GPR160: variants seen among roughly 807,000 people sequenced by gnomAD.
GPR160 encodes the protein G protein-coupled receptor 160, also known as probable G protein-coupled receptor 160.
Under a neutral mutation model 2.6 loss-of-function variants are expected in GPR160, and 2 were observed. That is an observed-to-expected ratio of 0.77 (90% confidence interval 0.32 to 2.44). The LOEUF (loss-of-function observed/expected upper bound fraction) is 2.44, where lower values mean the gene tolerates loss of function less well. GPR160 is among the 30% of genes most tolerant of loss of function. The pLI is 0.11. For synonymous variants in GPR160, 130 were observed against 132.2 expected, an observed-to-expected ratio of 0.98 and a Z score of 0.12; for missense variants, 351 against 383.6, an observed-to-expected ratio of 0.91 and a Z score of 0.71.
chr3:170,070,270 G>A (rs1040901556), intron 2 of GPR160, among the ~76,000 whole-genome samples: 4 of 152,136 alleles, frequency 2.6e-5, no homozygotes, highest in Non-Finnish European at 5.9e-5. Context: ...ATCCTATAGA[G>A]CATACCACCA....
intron 2 of GPR160, among the ~76,000 whole-genome samples, chr3:170,047,894 G>A (rs578243514): frequency 6.5e-4 from 94 of 145,110 alleles, no homozygotes; most frequent in Middle Eastern, 3.6e-3. Flanking sequence ...CTGGAATGCA[G>A]TGGCCCAATG....
intron 2 of GPR160, among the ~76,000 whole-genome samples, chr3:170,063,930 G>A (rs938761727): frequency 6.6e-6 from 1 of 152,160 alleles, no homozygotes; most frequent in African/African-American, 2.4e-5. Context: ...CAAACCAGAC[G>A]TGGGTGAGGA....
intron 2 of GPR160, among the ~76,000 whole-genome samples, chr3:170,059,596 G>A (rs905589070): frequency 6.6e-6 from 1 of 152,134 alleles, no homozygotes; most frequent in African/African-American, 2.4e-5. Flanking sequence ...TCAATCACAG[G>A]AGTTGGAGTC....
intron 2 of GPR160, among the ~76,000 whole-genome samples, chr3:170,064,377 C>A (rs1446600019): frequency 6.6e-6 from 1 of 152,098 alleles, no homozygotes; most frequent in African/African-American, 2.4e-5. Flanking sequence ...CAGAGAAAGG[C>A]GCCCAGGTGT....
chr3:170,085,337 T>TGACA lies in GPR160; in HGVS notation c.*349_*352dup, dbSNP rs1279661821. 5.7e-6 allele frequency: 1 copy of TGACA among 175,020 alleles called. No homozygotes were observed. The highest frequency in any genetic ancestry group is 6.4e-5 in the Admixed American group (1 of 15,514). The allele number at this position is 175,020 out of a possible 1,614,324, so 10.8% of individuals were successfully genotyped here. ...CTGTTATGTAAATCTGAGATTTCAC[T>TGACA]GACAACTTTAAGATATCAACCTAAA... On this transcript the variant is annotated 3_prime_UTR_variant, in exon 4 of 4. Coordinates refer to ENST00000355897, the MANE Select transcript of GPR160 (RefSeq NM_014373.3).
chr3:170,048,473 A>T (rs1716825925), intron 2 of GPR160, among the ~76,000 whole-genome samples: 1 of 152,228 alleles, frequency 6.6e-6, no homozygotes. Context: ...AATGTTTTTA[A>T]TGACTGCATG....
rs1351805878 is a variant in GPR160 at position 170,038,763 on chromosome 3, C to T, written c.-321-152C>T. 3 of 152,190 alleles carry T rather than the reference C, an allele frequency of 2.0e-5. No individual in the cohort carries two copies. The highest frequency in any genetic ancestry group is 4.4e-5 in the Non-Finnish European group (3 of 68,068). The allele number at this position is 152,190 out of a possible 1,614,324, so 9.4% of individuals were successfully genotyped here. A position where few individuals can be genotyped will look rare whatever the true frequency, so the allele number is the denominator to read the frequency against. ...CCCGCGCCCGCCACTGGGATTAAGC[C>T]CCAGGGCCTTGCCCGGCTATTTGTT... On this transcript the variant is annotated intron_variant, in intron 1 of 3. Transcript: ENST00000355897. This position sits in a 1 kb window ranked among gnomAD's most constrained non-coding sequence, Gnocchi z 5.3.
chr3:170,082,582 G>GT (rs1437966566), intron 3 of GPR160, among the ~76,000 whole-genome samples: 1 of 151,778 alleles, frequency 6.6e-6, no homozygotes, highest in Non-Finnish European at 1.5e-5. Context: ...CTCAACCTGT[G>GT]TTTCGTTTCT....
At position 170,084,471 on chromosome 3, in the gene GPR160, C is replaced by A. The variant is rs1034414232; in HGVS notation, c.499C>A (p.Gln167Lys). ...DPAIYQSLKA[Q>K]NAYSRHCPFY... is the part of the protein sequence containing the mutation. ...AGCCATCTACCAAAGCCTGAAGGCA[C>A]AGAATGCTTATTCTCGTCACTGTCC... The change falls in exon 4 of 4, where the codon CAG becomes AAG. Residue 167 changes from glutamine (Q) to lysine (K), a missense_variant. By Grantham distance (53) the Gln-to-Lys change is moderately conservative (BLOSUM62 1). Coordinates refer to ENST00000355897, the MANE Select transcript of GPR160 (RefSeq NM_014373.3). 21 of 1,613,738 alleles carry A rather than the reference C, an allele frequency of 1.3e-5. No homozygotes were observed. In the Admixed American group the frequency reaches 1.7e-4, roughly 13 times the overall value.
chr3:170,084,021 CA>C lies in GPR160; in HGVS notation c.52del (p.Thr18GlnfsTer5). On this transcript the variant is annotated frameshift_variant, in exon 4 of 4. Transcript: ENST00000355897. LOFTEE classifies it low-confidence loss of function (END_TRUNC). ...ENCSFQYQLR[Q>X]TNQPLDVNYL... ...CTGCTCTTTTCAGTACCAGTTACGTCAAACAAACCAGCCCCTAGATGTTAAC... is the reference window on the plus strand; with the variant it reads ...CTGCTCTTTTCAGTACCAGTTACGTCAACAAACCAGCCCCTAGATGTTAAC... 6.4e-7 allele frequency: 1 copy of C among 1,557,642 alleles called. No homozygotes were observed. The highest frequency in any genetic ancestry group is 8.6e-7 in the Non-Finnish European group (1 of 1,158,880).
In GPR160 at chr3:170,084,069, C is replaced by T; in HGVS notation, c.97C>T (p.Leu33Phe). 11 of 1,587,696 alleles carry T rather than the reference C, an allele frequency of 6.9e-6. No individual in the cohort carries two copies. The highest frequency in any genetic ancestry group is 9.4e-6 in the Non-Finnish European group (11 of 1,164,024). The stretch of plus-strand genomic sequence containing the variant: ...TAACTATCTGCTATTCTTGATCATA[C>T]TTGGGAAAATATTATTAAATATCCT... ...DVNYLLFLII[L>F]GKILLNILTL... Residue 33 changes from leucine to phenylalanine, a missense_variant, in exon 4 of 4, where the codon CTT becomes TTT. By Grantham distance (22) the Leu-to-Phe change is conservative. Coordinates refer to ENST00000355897, the MANE Select transcript of GPR160 (RefSeq NM_014373.3).
chr3:170,078,380 T>A (rs1187655628), intron 2 of GPR160, among the ~76,000 whole-genome samples: 1 of 151,782 alleles, frequency 6.6e-6, no homozygotes, highest in African/African-American at 2.4e-5. Context: ...CTGAGCCCCC[T>A]CCCCCAATAA....
At chr3:170,081,806 A>G (rs144404759) in intron 3 of GPR160, among the ~76,000 whole-genome samples, 3,832 of 152,172 alleles carry the variant, frequency 0.025, 158 homozygotes, top group African/African-American at 0.088. Context: ...GCTCCCACTT[A>G]TAAGTGAAAA....
chr3:170,074,032 G>A (rs1712731099), intron 2 of GPR160, among the ~76,000 whole-genome samples: 1 of 151,816 alleles, frequency 6.6e-6, no homozygotes, highest in Non-Finnish European at 1.5e-5. Flanking sequence ...GGGACTACAG[G>A]CCAAGCCACC....
chr3:170,055,499 T>G (rs918182172), intron 2 of GPR160, among the ~76,000 whole-genome samples: 3 of 152,188 alleles, frequency 2.0e-5, no homozygotes, highest in Admixed American at 6.5e-5. Flanking sequence ...TCAGGGACTA[T>G]TGAGCACAGA....
At position 170,052,865 on chromosome 3, in the gene GPR160, A is replaced by C. The variant is rs1717016519; in HGVS notation, c.-193+13822A>C. On this transcript the variant is annotated intron_variant, in intron 2 of 3. Transcript: ENST00000355897. ...CTTACCTTTTATAGCTATGCTTGTG[A>C]TCTCTCCTGAGTTAATTTCTGTTAA... Among the ~76,000 whole-genome samples the C allele has an allele frequency of 2.0e-5, 3 of 152,112 alleles. No individual in the cohort carries two copies. The South Asian group carries it at 6.2e-4, about 32-fold the overall frequency.
intron 2 of GPR160, among the ~76,000 whole-genome samples, chr3:170,079,233 G>A (rs1027513392): frequency 6.6e-6 from 1 of 152,216 alleles, no homozygotes; most frequent in African/African-American, 2.4e-5. Context: ...CTGCTTATCT[G>A]TGTCTGAGTA....
At position 170,085,070 on chromosome 3, in the gene GPR160, C is replaced by A; in HGVS notation, c.*81C>A. The stretch of plus-strand genomic sequence containing the variant: ...AACTCAGGACATATTAAAAAATAAA[C>A]TGAACTAAAACAACTTTTGCCCCCT... On this transcript the variant is annotated 3_prime_UTR_variant, in exon 4 of 4. Coordinates refer to ENST00000355897, the MANE Select transcript of GPR160 (RefSeq NM_014373.3). 1 of 765,892 alleles carries A rather than the reference C, an allele frequency of 1.3e-6. No individual in the cohort carries two copies. Among genetic ancestry groups the A allele is most frequent in the Non-Finnish European group, 1.9e-6 (1 of 516,036 alleles). 47.4% of individuals were successfully genotyped at this position (765,892 alleles called of 1,614,324 possible).
At chr3:170,049,018 C>T (rs992234092) in intron 2 of GPR160, among the ~76,000 whole-genome samples, 4 of 152,202 alleles carry the variant, frequency 2.6e-5, no homozygotes, top group African/African-American at 9.6e-5. Context: ...TGTGAATATA[C>T]GTACATTTTT....
Sources: allele counts gnomAD v4.1 joint callset (sites outside exome capture counted in the v4.1 genomes callset), GRCh38; gene constraint gnomAD v4.1.1; non-coding constraint Gnocchi (gnomAD v3.1); transcripts MANE v1.5; gene names NCBI Gene and HGNC (gene_info 2026-07-23, HGNC 2026-07-21).